The following NDUFS4 variants were observed in gnomAD, a reference collection of about 807,000 sequenced individuals.
The protein encoded by NDUFS4 is NADH dehydrogenase [ubiquinone] iron-sulfur protein 4, mitochondrial.
NDUFS4 carries 28 observed loss-of-function variants against 24.3 expected under a neutral mutation model. That is an observed-to-expected ratio of 1.15 (90% CI 0.85 to 1.58). NDUFS4 has a LOEUF of 1.58. Ranked by LOEUF, NDUFS4 falls within the 40% of genes most tolerant of loss-of-function variation. The pLI is 0.00. For synonymous variants in NDUFS4, 93 were observed against 69.7 expected (o/e 1.34, Z -1.67); for missense variants, 223 against 207.9 (o/e 1.07, Z -0.45).
intron 1 of NDUFS4, among the ~76,000 whole-genome samples, chr5:53,569,519 A>T (rs569752913): frequency 6.6e-6 from 1 of 152,268 alleles, no homozygotes; most frequent in South Asian, 2.1e-4. Context: ...TAGAATCATT[A>T]AGTCCAACCC....
chr5:53,585,753 AAAAG>A (rs199770913), intron 1 of NDUFS4, among the ~76,000 whole-genome samples: 2,993 of 151,964 alleles, frequency 0.02, 106 homozygotes, highest in African/African-American at 0.068. Context: ...AAAAAAAAAA[AAAAG>A]AAAATTTTTG....
chr5:53,677,551 T>A (rs1740515088), intron 4 of NDUFS4, among the ~76,000 whole-genome samples: 1 of 152,196 alleles, frequency 6.6e-6, no homozygotes, highest in Non-Finnish European at 1.5e-5. Flanking sequence ...TAATTGGTAA[T>A]TTCAAAGTAA....
chr5:53,579,306 G>A (rs999519050), intron 1 of NDUFS4, among the ~76,000 whole-genome samples: 2 of 152,086 alleles, frequency 1.3e-5, no homozygotes, highest in Non-Finnish European at 2.9e-5. Context: ...ATGAATATAT[G>A]TATCATATAT....
intron 1 of NDUFS4, among the ~76,000 whole-genome samples, chr5:53,564,750 G>T (rs1015133297): frequency 3.9e-5 from 6 of 152,066 alleles, no homozygotes; most frequent in Admixed American, 1.3e-4. Flanking sequence ...CACTGGTCTT[G>T]AACACCTGAC....
intron 1 of NDUFS4, among the ~76,000 whole-genome samples, chr5:53,582,491 C>G (rs1362508300): frequency 6.6e-6 from 1 of 152,112 alleles, no homozygotes; most frequent in Non-Finnish European, 1.5e-5. Flanking sequence ...ACATGTACAT[C>G]CTTCGGATGT....
intron 2 of NDUFS4, among the ~76,000 whole-genome samples, chr5:53,639,045 G>A (rs1207293851): frequency 6.6e-6 from 1 of 151,464 alleles, no homozygotes; most frequent in Non-Finnish European, 1.5e-5. Flanking sequence ...TCTTATTCTG[G>A]CAAACCAGTT....
intron 2 of NDUFS4, among the ~76,000 whole-genome samples, chr5:53,620,731 A>C (rs1256060299): frequency 6.6e-6 from 1 of 152,194 alleles, no homozygotes; most frequent in African/African-American, 2.4e-5. Flanking sequence ...TCATCCTCTG[A>C]AATATCTACA....
At chr5:53,631,767 G>A (rs4362905) in intron 2 of NDUFS4, among the ~76,000 whole-genome samples, 65,741 of 152,048 alleles carry the variant, frequency 0.43, 14,889 homozygotes, top group Admixed American at 0.51. Flanking sequence ...AGACTGCTGC[G>A]CTAGCCATGA....
chr5:53,681,244 C>G (rs1259440768), intron 4 of NDUFS4, among the ~76,000 whole-genome samples: 1 of 152,118 alleles, frequency 6.6e-6, no homozygotes, highest in East Asian at 1.9e-4. Context: ...GATTCTGCCC[C>G]TTCTTTGCTG....
intron 2 of NDUFS4, among the ~76,000 whole-genome samples, chr5:53,638,968 T>A (rs1751632375): frequency 6.6e-6 from 1 of 152,050 alleles, no homozygotes; most frequent in African/African-American, 2.4e-5. Context: ...CCCCCAAGAT[T>A]CCTTTTCCAT....
intron 2 of NDUFS4, among the ~76,000 whole-genome samples, chr5:53,616,689 T>C (rs1750849733): frequency 6.6e-6 from 1 of 152,252 alleles, no homozygotes; most frequent in Non-Finnish European, 1.5e-5. Context: ...GAAGGCTCTT[T>C]AGGCCCATAG....
At chr5:53,573,025 A>G (rs1749266435) in intron 1 of NDUFS4, among the ~76,000 whole-genome samples, 1 of 137,366 alleles carries the variant, frequency 7.3e-6, no homozygotes, top group African/African-American at 2.8e-5. Context: ...GCTATAGGGT[A>G]GTGGTATGAT....
Position 53,612,193 on chromosome 5 carries a change from CTTTG to C in NDUFS4, c.177+8667_177+8670del, listed in dbSNP as rs558350587. 7.5e-4 allele frequency among the ~76,000 whole-genome samples: 114 copies of C among 152,070 alleles called. No individual in the cohort carries two copies. In the South Asian group the frequency reaches 0.011, roughly 14 times the overall value. On this transcript the variant is annotated intron_variant, in intron 2 of 4. Coordinates refer to ENST00000296684, the MANE Select transcript of NDUFS4 (RefSeq NM_002495.4). Reference sequence around the variant, plus strand: ...TGTTGGCTGCTATCTCTCCTTCATTCTTTGTTTATTTATTCAATAAATACTTACA... The same window carrying C: ...TGTTGGCTGCTATCTCTCCTTCATTCTTTATTTATTCAATAAATACTTACA...
chr5:53,613,339 G>A (rs1201149777), intron 2 of NDUFS4, among the ~76,000 whole-genome samples: 1 of 152,032 alleles, frequency 6.6e-6, no homozygotes, highest in Non-Finnish European at 1.5e-5. Flanking sequence ...GGGTAGACAG[G>A]AGTTTTTTAT....
chr5:53,638,816 G>T (rs1751627601), intron 2 of NDUFS4, among the ~76,000 whole-genome samples: 1 of 152,006 alleles, frequency 6.6e-6, no homozygotes, highest in African/African-American at 2.4e-5. Flanking sequence ...GGAAAACTTT[G>T]TCATTTTAAC....
In NDUFS4 at chr5:53,573,554, G is replaced by A. The variant is rs539937546; in HGVS notation, c.98+12794G>A. 385 of 450,882 alleles carry A rather than the reference G, an allele frequency of 8.5e-4. 3 individuals carry two copies. Among genetic ancestry groups the A allele is most frequent in the South Asian group, 5.7e-3 (365 of 63,824 alleles). The allele number at this position is 450,882 out of a possible 1,614,324, so 27.9% of individuals were successfully genotyped here. On this transcript the variant is annotated intron_variant, in intron 1 of 4. Transcript: ENST00000296684. ...CTAACTATCTCAATTTGGGGGAGCTGTGGTAAAGAGCATTGCTTTTAAAAT... is the reference window on the plus strand; with the variant it reads ...CTAACTATCTCAATTTGGGGGAGCTATGGTAAAGAGCATTGCTTTTAAAAT...
intron 1 of NDUFS4, among the ~76,000 whole-genome samples, chr5:53,594,416 C>T (rs1285250267): frequency 2.0e-5 from 3 of 151,952 alleles, no homozygotes; most frequent in Non-Finnish European, 4.4e-5. Context: ...TAGTCTGTGT[C>T]TTTATAATTA....
At chr5:53,647,931 A>G (rs1335069855) in intron 3 of NDUFS4, among the ~76,000 whole-genome samples, 2 of 152,180 alleles carry the variant, frequency 1.3e-5, no homozygotes, top group Non-Finnish European at 2.9e-5. Flanking sequence ...CTTATGTTGC[A>G]GTTTAATTAA....
chr5:53,586,345 AC>A (rs1366613448), intron 1 of NDUFS4, among the ~76,000 whole-genome samples: 36 of 151,390 alleles, frequency 2.4e-4, no homozygotes, highest in African/African-American at 6.5e-4. Context: ...AAAAAAAAAA[AC>A]AAACCAAAAC....
Sources: gnomAD v4.1 joint callset for allele counts (sites outside exome capture counted in the v4.1 genomes callset) on GRCh38, gnomAD v4.1.1 for gene constraint, MANE v1.5 for transcripts, NCBI Gene and HGNC (gene_info 2026-07-23, HGNC 2026-07-21) for gene names.